Variants in PALLD observed in about 807,000 individuals in gnomAD.
PALLD encodes palladin.
Under a neutral mutation model 123.5 loss-of-function variants are expected in PALLD, and 61 were observed. The ratio of observed to expected loss-of-function variants is 0.49; its 90% confidence interval spans 0.40 to 0.61. The LOEUF is 0.61. Among genes scored for constraint, PALLD ranks in the 20% least tolerant of loss-of-function variants. The pLI is 0.00. For missense variants in PALLD, 1,273 were observed against 1,377.0 expected (o/e 0.92, Z 1.20); for synonymous variants, 465 against 496.4 (o/e 0.94, Z 0.84).
chr4:168,505,971 T>C (rs1761959587), intron 1 of PALLD: 1 of 152,192 alleles, frequency 6.6e-6, no homozygotes. Flanking sequence ...AAAGACAATC[T>C]CTACATTCAA....
chr4:168,513,409 T>C (rs1762709048), intron 2 of PALLD, among the ~76,000 whole-genome samples: 1 of 152,180 alleles, frequency 6.6e-6, no homozygotes, highest in South Asian at 2.1e-4. Flanking sequence ...TCTTCTGACT[T>C]CATTGTAGAG....
intron 11 of PALLD, among the ~76,000 whole-genome samples, chr4:168,891,717 C>G (rs1754176306): frequency 6.7e-6 from 1 of 149,808 alleles, no homozygotes; most frequent in Non-Finnish European, 1.5e-5. Flanking sequence ...GGATTCCATT[C>G]TGGCTGATAG....
intron 10 of PALLD, among the ~76,000 whole-genome samples, chr4:168,814,691 T>C (rs1046810530): frequency 7.9e-5 from 12 of 152,218 alleles, no homozygotes; most frequent in African/African-American, 2.4e-4. Flanking sequence ...AAGTGAACAG[T>C]GACCCTCTTT....
chr4:168,637,360 C>T (rs945141295), intron 2 of PALLD, among the ~76,000 whole-genome samples: 1 of 152,096 alleles, frequency 6.6e-6, no homozygotes, highest in Non-Finnish European at 1.5e-5. Context: ...AAGGGACTAC[C>T]AGTAGACAAC....
intron 1 of PALLD, among the ~76,000 whole-genome samples, chr4:168,500,552 T>C (rs1485393376): frequency 6.6e-6 from 1 of 152,128 alleles, no homozygotes; most frequent in African/African-American, 2.4e-5. Context: ...TTTTTTTGTA[T>C]TTTTGTAGAG....
intron 2 of PALLD, among the ~76,000 whole-genome samples, chr4:168,597,452 A>G (rs1772108472): frequency 6.6e-6 from 1 of 152,068 alleles, no homozygotes; most frequent in South Asian, 2.1e-4. Flanking sequence ...AATTTTTAAA[A>G]CATGACATAT....
chr4:168,905,790 C>CTTTTTTTTTTTTTTTTTTTT (rs59427697), intron 15 of PALLD, among the ~76,000 whole-genome samples: 9 of 113,096 alleles, frequency 8.0e-5, no homozygotes, highest in Non-Finnish European at 1.6e-4. Context: ...GCTTTTTTTT[C>CTTTTTTTTTTTTTTTTTTTT]TTTTTTTTTT....
chr4:168,795,370 C>T (rs1281321138), intron 10 of PALLD, among the ~76,000 whole-genome samples: 1 of 152,096 alleles, frequency 6.6e-6, no homozygotes, highest in Non-Finnish European at 1.5e-5. Context: ...ATAGAAAAAT[C>T]AAGAATGCAT....
intron 8 of PALLD, among the ~76,000 whole-genome samples, chr4:168,703,798 T>C (rs1380964255): frequency 6.9e-6 from 1 of 144,808 alleles, no homozygotes; most frequent in Admixed American, 6.7e-5. Flanking sequence ...CATTGTAGAT[T>C]CTGGATATTA....
chr4:168,511,662 C>T lies in PALLD; in HGVS notation c.158C>T (p.Ser53Phe), dbSNP rs1224742641. 6.2e-7 allele frequency: 1 copy of T among 1,614,148 alleles called. No individual in the cohort carries two copies. The highest frequency in any genetic ancestry group is 8.5e-7 in the Non-Finnish European group (1 of 1,180,024). Residue 53 changes from serine (S) to phenylalanine (F), a missense_variant, in exon 2 of 22, where the codon TCC becomes TTC. This residue lies in a region of PALLD where 944 missense variants were observed against 954.5 expected (regional missense o/e 0.99). Transcript: ENST00000505667. Reference protein sequence around the residue: ...LDLARRAIADSETEDFDSEKE... With the variant: ...LDLARRAIADFETEDFDSEKE... ...CTGGCCCGGAGAGCCATAGCCGACTCCGAAACAGAAGATTTTGACTCGGAA... is the reference window on the plus strand; with the variant it reads ...CTGGCCCGGAGAGCCATAGCCGACTTCGAAACAGAAGATTTTGACTCGGAA...
chr4:168,704,552 T>A (rs1484512768), intron 8 of PALLD, among the ~76,000 whole-genome samples: 5 of 151,100 alleles, frequency 3.3e-5, no homozygotes, highest in African/African-American at 1.2e-4. Flanking sequence ...TAGTCCCAGC[T>A]ACTGGGCAGG....
chr4:168,785,458 A>T (rs147207186), intron 10 of PALLD, among the ~76,000 whole-genome samples: 310 of 152,256 alleles, frequency 2.0e-3, no homozygotes, highest in African/African-American at 6.3e-3. Flanking sequence ...TTTCATGCTG[A>T]TGAACTCAAA....
rs571492602 is a variant in PALLD at position 168,589,716 on chromosome 4, G to C, written c.908+77304G>C. Among the ~76,000 whole-genome samples, 337 of 152,324 alleles carry C rather than the reference G, an allele frequency of 2.2e-3. 2 individuals carry two copies. Among genetic ancestry groups the C allele is most frequent in the African/African-American group, 7.7e-3 (320 of 41,570 alleles). On this transcript the variant is annotated intron_variant, in intron 2 of 21. Coordinates refer to ENST00000505667, the MANE Select transcript of PALLD (RefSeq NM_001166108.2). ...AGAGGCATTGTTGATAAATTATCTT[G>C]AGATCCAGATATTAGTTGAGCCTCA...
rs1413994623 is a variant in PALLD at position 168,668,376 on chromosome 4, G to A, written c.1087+8G>A. 4 of 1,592,532 alleles carry A rather than the reference G, an allele frequency of 2.5e-6. No individual in the cohort carries two copies. The highest frequency in any genetic ancestry group is 3.4e-6 in the Non-Finnish European group (4 of 1,167,084). ...CTGAGGTGTTCATTGAAGGTAAGGA[G>A]GGGTGCCTGGTAATGGGGGATAAAG... On this transcript the variant is annotated splice_region_variant and intron_variant, in intron 3 of 21. Coordinates refer to ENST00000505667, the MANE Select transcript of PALLD (RefSeq NM_001166108.2).
intron 3 of PALLD, among the ~76,000 whole-genome samples, chr4:168,675,809 AC>A (rs1780775482): frequency 6.6e-6 from 1 of 152,056 alleles, no homozygotes; most frequent in African/African-American, 2.4e-5. Flanking sequence ...TAATCCCAGC[AC>A]TTTGGGAGGC....
chr4:168,920,556 T>C (rs1761263677), intron 17 of PALLD, among the ~76,000 whole-genome samples: 1 of 152,174 alleles, frequency 6.6e-6, no homozygotes. Context: ...CCATTCAAAA[T>C]CAAGGGCAAA....
At chr4:168,639,873 A>G (rs1175731976) in intron 2 of PALLD, among the ~76,000 whole-genome samples, 1 of 152,124 alleles carries the variant, frequency 6.6e-6, no homozygotes, top group Non-Finnish European at 1.5e-5. Flanking sequence ...GTGGCCAGGA[A>G]GAGTTAAGTC....
At chr4:168,805,115 G>A (rs541824928) in intron 10 of PALLD, among the ~76,000 whole-genome samples, 5 of 151,372 alleles carry the variant, frequency 3.3e-5, no homozygotes, top group South Asian at 2.1e-4. Context: ...CCGAGATTGC[G>A]CCATTACATC....
chr4:168,542,718 A>G (rs1417567679), intron 2 of PALLD, among the ~76,000 whole-genome samples: 1 of 1,668 alleles, frequency 6.0e-4, no homozygotes. Context: ...TAACCTTTCC[A>G]TATATATATA....
Sources: gnomAD v4.1 joint callset for allele counts (sites outside exome capture counted in the v4.1 genomes callset) on GRCh38, gnomAD v4.1.1 for gene constraint, gnomAD v4.1.1 regional missense constraint, MANE v1.5 for transcripts, NCBI Gene and HGNC (gene_info 2026-07-23, HGNC 2026-07-21) for gene names.